The following DYM variants were observed in gnomAD, a reference collection of about 807,000 sequenced individuals.
DYM encodes dymeclin.
In DYM, 78 loss-of-function variants were observed where a neutral mutation model predicts 93.1. The observed-to-expected ratio is 0.84, with a 90% CI of 0.70 to 1.01. The LOEUF (loss-of-function observed/expected upper bound fraction) is 1.01. Ranked by LOEUF, DYM falls within the 50% of genes least tolerant of loss-of-function variation. DYM has a pLI of 0.00. For missense variants in DYM, 789 were observed against 845.0 expected (o/e 0.93, Z 0.82); for synonymous variants, 321 against 319.7 (o/e 1.00, Z -0.04).
intron 15 of DYM, among the ~76,000 whole-genome samples, chr18:49,159,940 T>C (rs2086895904): frequency 1.3e-5 from 2 of 152,204 alleles, no homozygotes; most frequent in South Asian, 4.1e-4. Context: ...TGATTTATTA[T>C]CTTTGTTTCA....
intron 13 of DYM, among the ~76,000 whole-genome samples, chr18:49,211,419 A>C (rs73443803): frequency 0.046 from 6,948 of 152,272 alleles, 515 homozygotes; most frequent in African/African-American, 0.15. Context: ...TAGTGAACAT[A>C]TCTGATATGT....
chr18:49,339,651 A>G (rs1222622010), intron 6 of DYM, among the ~76,000 whole-genome samples: 1 of 152,226 alleles, frequency 6.6e-6, no homozygotes, highest in Admixed American at 6.5e-5. Context: ...TGAGGCTTCA[A>G]GTGAGACCAG....
intron 16 of DYM, among the ~76,000 whole-genome samples, chr18:49,099,877 G>A (rs2079957734): frequency 6.6e-6 from 1 of 152,176 alleles, no homozygotes; most frequent in African/African-American, 2.4e-5. Context: ...ACTTGTTCCA[G>A]GAGGAGGGGG....
intron 8 of DYM, among the ~76,000 whole-genome samples, chr18:49,314,151 A>C (rs1350710417): frequency 6.6e-6 from 1 of 152,150 alleles, no homozygotes; most frequent in African/African-American, 2.4e-5. Context: ...TTCTTTACAC[A>C]CAGAACCACC....
chr18:49,359,012 G>A (rs574213143), intron 6 of DYM, among the ~76,000 whole-genome samples: 136 of 152,254 alleles, frequency 8.9e-4, no homozygotes, highest in Middle Eastern at 3.4e-3. Context: ...CACTCGGTTG[G>A]TTCCCACAAG....
intron 11 of DYM, among the ~76,000 whole-genome samples, chr18:49,258,881 G>C (rs916451721): frequency 1.6e-5 from 2 of 126,396 alleles, no homozygotes; most frequent in African/African-American, 6.1e-5. Flanking sequence ...GAGAGAGAGA[G>C]AGAGATAGGC....
intron 15 of DYM, among the ~76,000 whole-genome samples, chr18:49,127,919 C>T (rs932411832): frequency 2.0e-5 from 3 of 152,166 alleles, no homozygotes; most frequent in Non-Finnish European, 2.9e-5. Context: ...CAGCAGTCAC[C>T]GCACCACTGG....
At chr18:49,074,286 A>G (rs746831276) in intron 17 of DYM, among the ~76,000 whole-genome samples, 8 of 152,216 alleles carry the variant, frequency 5.3e-5, no homozygotes, top group Non-Finnish European at 1.0e-4. Context: ...CAGTATAACA[A>G]CTACTTATAT....
At chr18:49,324,642 A>T (rs2062758954) in intron 8 of DYM, among the ~76,000 whole-genome samples, 1 of 152,232 alleles carries the variant, frequency 6.6e-6, no homozygotes, top group Admixed American at 6.5e-5. Flanking sequence ...AAATTTGAGC[A>T]GACCAAAAAG....
intron 13 of DYM, among the ~76,000 whole-genome samples, chr18:49,244,697 C>T (rs959323527): frequency 2.0e-5 from 3 of 152,112 alleles, no homozygotes; most frequent in Non-Finnish European, 4.4e-5. Flanking sequence ...ATACCAGCTT[C>T]ACAGAAGAAG....
At chr18:49,234,105 G>A (rs1401588260) in intron 13 of DYM, among the ~76,000 whole-genome samples, 1 of 151,892 alleles carries the variant, frequency 6.6e-6, no homozygotes, top group African/African-American at 2.4e-5. Context: ...CTCCAGCCTG[G>A]GTAACAGAGC....
At chr18:49,407,431 T>C (rs1419249762) in intron 2 of DYM, among the ~76,000 whole-genome samples, 1 of 152,216 alleles carries the variant, frequency 6.6e-6, no homozygotes, top group Non-Finnish European at 1.5e-5. Context: ...TCAAGCTGTA[T>C]AAGAAGCATG....
chr18:49,395,463 C>T (rs2069944618), intron 2 of DYM, among the ~76,000 whole-genome samples: 2 of 152,040 alleles, frequency 1.3e-5, no homozygotes, highest in African/African-American at 4.8e-5. Context: ...AACCCTATCT[C>T]TACTAAAAAT....
intron 15 of DYM, among the ~76,000 whole-genome samples, chr18:49,134,590 A>T (rs2083661533): frequency 6.6e-6 from 1 of 152,200 alleles, no homozygotes; most frequent in Non-Finnish European, 1.5e-5. Flanking sequence ...AAATTTGACA[A>T]AACAGATCCT....
chr18:49,232,091 C>T (rs1045947332), intron 13 of DYM, among the ~76,000 whole-genome samples: 2 of 151,970 alleles, frequency 1.3e-5, no homozygotes, highest in African/African-American at 4.8e-5. Context: ...TTCATGTTCC[C>T]CTGCCTTTTA....
intron 15 of DYM, among the ~76,000 whole-genome samples, chr18:49,157,244 C>T (rs1365501533): frequency 1.3e-5 from 2 of 152,134 alleles, no homozygotes; most frequent in East Asian, 3.9e-4. Context: ...ATCTCTACCT[C>T]TCCATCTAAT....
intron 8 of DYM, among the ~76,000 whole-genome samples, chr18:49,324,169 A>AAAAAAAAAC (rs2062722322): frequency 6.9e-6 from 1 of 145,220 alleles, no homozygotes; most frequent in Non-Finnish European, 1.5e-5. Context: ...AAAAAAAAAA[A>AAAAAAAAAC]TCTTTAACAC....
intron 8 of DYM, among the ~76,000 whole-genome samples, chr18:49,323,981 C>G: frequency 6.6e-6 from 1 of 151,570 alleles, no homozygotes; most frequent in Non-Finnish European, 1.5e-5. Context: ...CAAGTAAAAA[C>G]ATAAAAAATT....
intron 8 of DYM, among the ~76,000 whole-genome samples, chr18:49,310,419 A>G (rs2061520635): frequency 6.6e-6 from 1 of 152,208 alleles, no homozygotes; most frequent in Non-Finnish European, 1.5e-5. Context: ...AGTAACTGCC[A>G]GTATTACTTT....
Sources: allele counts gnomAD v4.1 joint callset (sites outside exome capture counted in the v4.1 genomes callset), GRCh38; gene constraint gnomAD v4.1.1; transcripts MANE v1.5; gene names NCBI Gene and HGNC (gene_info 2026-07-23, HGNC 2026-07-21).